Variants in LILRA4 observed in about 807,000 individuals in gnomAD.
The protein encoded by LILRA4 is leukocyte immunoglobulin like receptor A4.
LILRA4 carries 51 observed loss-of-function variants against 49.5 expected under a neutral mutation model. The ratio of observed to expected loss-of-function variants is 1.03; its 90% CI spans 0.82 to 1.30. LILRA4 has a LOEUF of 1.30. LILRA4 is among the 50% of genes most tolerant of loss of function. LILRA4 has a pLI of 0.00. For synonymous variants in LILRA4, 272 were observed against 265.6 expected (o/e 1.02, Z -0.23); for missense variants, 624 against 625.6 (o/e 1.00, Z 0.03).
rs370941086 is a variant in LILRA4 at position 54,337,462 on chromosome 19, C to T, written c.890G>A (p.Gly297Asp). The change falls in exon 5 of 8, where the codon GGC (glycine) becomes GAC (aspartate). Residue 297 changes from glycine to aspartate, a missense_variant. Coordinates refer to ENST00000291759, the MANE Select transcript of LILRA4 (RefSeq NM_012276.5). ...RSYGGQYRCY[G>D]AHNVSSEWSA... is the part of the protein sequence containing the mutation. ...CCACTCGGAGGAGACGTTGTGTGCG[C>T]CGTAGCATCTGTACTGGCCCCCGTA... 6.8e-6 allele frequency: 11 copies of T among 1,611,880 alleles called. No individual in the cohort carries two copies. The African/African-American group carries it at 1.1e-4, about 16-fold the overall frequency.
At position 54,337,163 on chromosome 19, in the gene LILRA4, G is replaced by A. The variant is rs1323543030; in HGVS notation, c.953-20C>T. The A allele has an allele frequency of 6.3e-7, 1 of 1,598,254 alleles. No individual in the cohort carries two copies. The highest frequency in any genetic ancestry group is 8.5e-7 in the Non-Finnish European group (1 of 1,171,220). Reference sequence around the variant, plus strand: ...TCTGTCCTGGAGAAAAGAAGGACGGGTGAGGGGCTGCCCCACCTTGTTCTG... The same window carrying A: ...TCTGTCCTGGAGAAAAGAAGGACGGATGAGGGGCTGCCCCACCTTGTTCTG... On this transcript the variant is annotated intron_variant, in intron 5 of 7. Transcript: ENST00000291759.
At chr19:54,334,949 T>G (rs945994308) in intron 6 of LILRA4, 2 of 151,566 alleles carry the variant, frequency 1.3e-5, no homozygotes, top group African/African-American at 4.9e-5. Flanking sequence ...CACTCCAGCC[T>G]GGGCGACAGA....
At chr19:54,334,574 A>C (rs1384018040) in intron 6 of LILRA4, 2 of 152,272 alleles carry the variant, frequency 1.3e-5, no homozygotes, top group African/African-American at 4.8e-5. Flanking sequence ...ATAATGACTA[A>C]GTGGGACAGA....
chr19:54,338,995 G>A (rs1316015457), intron 1 of LILRA4, 65 bp downstream of exon 1: 8 of 1,611,972 alleles, frequency 5.0e-6, no homozygotes, highest in African/African-American at 1.3e-5. Context: ...ATTGACTAAG[G>A]CATGGCTATG....
At chr19:54,336,563 C>T (rs1262591517) in intron 6 of LILRA4, 3 of 589,150 alleles carry the variant, frequency 5.1e-6, no homozygotes, top group Non-Finnish European at 8.9e-6. Context: ...GCTGGACCTT[C>T]CCCTCGGTGG....
At position 54,336,899 on chromosome 19, in the gene LILRA4, G is replaced by A; in HGVS notation, c.1197C>T (p.Arg399=). The A allele has an allele frequency of 1.7e-5, 28 of 1,614,228 alleles. No homozygotes were observed. Among genetic ancestry groups the A allele is most frequent in the Non-Finnish European group, 2.4e-5 (28 of 1,180,036 alleles). Residue 399 remains arginine (R), a synonymous_variant, in exon 6 of 8, where the codon CGC becomes CGT. Transcript: ENST00000291759. ...GAGACAGCAGGTAGGGGTTGGAGCTGCGTGAGCCGTAGCACCTGTAGGTCC... is the reference window on the plus strand; with the variant it reads ...GAGACAGCAGGTAGGGGTTGGAGCTACGTGAGCCGTAGCACCTGTAGGTCC... The part of the protein sequence containing the change: ...HAGTYRCYGS[R]SSNPYLLSHP...
intron 6 of LILRA4, 135 bp downstream of exon 6, chr19:54,336,706 C>T: frequency 7.3e-7 from 1 of 1,368,872 alleles, no homozygotes; most frequent in South Asian, 1.4e-5. Context: ...GCTCAGGGCT[C>T]ACAAAGGCCG....
At chr19:54,335,268 T>C (rs2081311883) in intron 6 of LILRA4, 1 of 152,158 alleles carries the variant, frequency 6.6e-6, no homozygotes, top group South Asian at 2.1e-4. Context: ...GCTGCTCTCA[T>C]GATAGTGAGT....
At position 54,339,103 on chromosome 19, in the gene LILRA4, T is replaced by C; in HGVS notation, c.-10A>G. 6.2e-7 allele frequency: 1 copy of C among 1,614,128 alleles called. No individual in the cohort carries two copies. Among genetic ancestry groups the C allele is most frequent in the Non-Finnish European group, 8.5e-7 (1 of 1,179,986 alleles). ...TGAGAATGAGGGTCATGGCATCTCC[T>C]CCTCCTGGCCCTGGCTGTGCAGGCA... On this transcript the variant is annotated 5_prime_UTR_variant, in exon 1 of 8. Transcript: ENST00000291759.
chr19:54,333,344 C>A lies in LILRA4; in HGVS notation c.*228G>T, dbSNP rs1327434383. 2 of 574,474 alleles carry A rather than the reference C, an allele frequency of 3.5e-6. No individual in the cohort carries two copies. The highest frequency in any genetic ancestry group is 1.9e-5 in the African/African-American group (1 of 52,764). The allele number at this position is 574,474 out of a possible 1,614,324, so 35.6% of individuals were successfully genotyped here. A position where few individuals can be genotyped will look rare whatever the true frequency, so the allele number is the denominator to read the frequency against. On this transcript the variant is annotated 3_prime_UTR_variant, in exon 8 of 8. Transcript: ENST00000291759. Reference sequence around the variant, plus strand: ...GCATGAGGTCACAGAGGGGCGGACCCAAACCCACCATAGGGGTGAAGCCTT... The same window carrying A: ...GCATGAGGTCACAGAGGGGCGGACCAAAACCCACCATAGGGGTGAAGCCTT...
chr19:54,336,764 A>G, intron 6 of LILRA4, 77 bp downstream of exon 6: 1 of 1,547,604 alleles, frequency 6.5e-7, no homozygotes, highest in East Asian at 2.2e-5. Context: ...AGACAGACGG[A>G]CACTCTCTTG....
intron 6 of LILRA4, chr19:54,336,502 G>T (rs1387390202): frequency 2.3e-6 from 1 of 429,214 alleles, no homozygotes; most frequent in Non-Finnish European, 4.2e-6. Context: ...TGAGACTTCA[G>T]GGGTGGGAGC....
intron 3 of LILRA4, 64 bp downstream of exon 3, chr19:54,338,332 G>T: frequency 6.2e-7 from 1 of 1,604,600 alleles, no homozygotes; most frequent in Non-Finnish European, 8.5e-7. Context: ...CCCCTCGAGA[G>T]CTGAGAGCCG....
In LILRA4 at chr19:54,338,905, G is replaced by A. The variant is rs1193475998; in HGVS notation, c.35-4C>T. On this transcript the variant is annotated splice_region_variant and splice_polypyrimidine_tract_variant and intron_variant, in intron 1 of 7. Transcript: ENST00000291759. The stretch of plus-strand genomic sequence containing the variant: ...GTCCTGGGGCCCAGGCTCAGCCCTG[G>A]AAGAGAGTTCCCTGTGAGAGATTTG... 1 of 1,614,170 alleles carries A rather than the reference G, an allele frequency of 6.2e-7. No homozygotes were observed. Among genetic ancestry groups the A allele is most frequent in the African/African-American group, 1.3e-5 (1 of 75,052 alleles).
chr19:54,337,790 GT>G, intron 4 of LILRA4, 94 bp from the exon 5 acceptor site: 1 of 1,473,908 alleles, frequency 6.8e-7, no homozygotes, highest in Non-Finnish European at 9.1e-7. Context: ...CAGCGTCCTT[GT>G]TTTTTTCTCA....
chr19:54,336,740 G>T, intron 6 of LILRA4, 101 bp downstream of exon 6: 1 of 1,492,094 alleles, frequency 6.7e-7, no homozygotes, highest in Non-Finnish European at 9.0e-7. Context: ...AAGAAGTGGG[G>T]CAGCAAGTGA....
At chr19:54,336,137 C>T (rs7246860) in intron 6 of LILRA4, 25,757 of 152,190 alleles carry the variant, frequency 0.17, 2,873 homozygotes, top group African/African-American at 0.31. Context: ...ACACCTCCCT[C>T]CCCTCTGACC....
chr19:54,337,483 C>G lies in LILRA4; in HGVS notation c.869G>C (p.Gly290Ala). Reference protein sequence around the residue: ...FTLSPVSRSYGGQYRCYGAHN... With the variant: ...FTLSPVSRSYAGQYRCYGAHN... Reference sequence around the variant, plus strand: ...TGCGCCGTAGCATCTGTACTGGCCCCCGTAGGAGCGGCTCACAGGGCTCAG... The same window carrying G: ...TGCGCCGTAGCATCTGTACTGGCCCGCGTAGGAGCGGCTCACAGGGCTCAG... The change falls in exon 5 of 8, where the codon GGG (glycine) becomes GCG (alanine). Residue 290 changes from glycine (G) to alanine (A), a missense_variant. By Grantham distance (60) the Gly-to-Ala change is moderately conservative. Transcript: ENST00000291759. 6.2e-7 allele frequency: 1 copy of G among 1,612,390 alleles called. No individual in the cohort carries two copies. The highest frequency in any genetic ancestry group is 8.5e-7 in the Non-Finnish European group (1 of 1,179,858).
chr19:54,338,370 G>A, intron 3 of LILRA4, 26 bp downstream of exon 3: 1 of 1,613,262 alleles, frequency 6.2e-7, no homozygotes, highest in South Asian at 1.1e-5. Context: ...AGAGCCTGGG[G>A]CTGGGACCCC....
Sources: allele counts gnomAD v4.1 joint callset, GRCh38; gene constraint gnomAD v4.1.1; transcripts MANE v1.5; gene names NCBI Gene and HGNC (gene_info 2026-07-23, HGNC 2026-07-21).